COL7A1: variants seen among roughly 807,000 people sequenced by gnomAD.
The protein encoded by COL7A1 is collagen type VII alpha 1 chain.
A neutral mutation model predicts 456.2 loss-of-function variants in COL7A1; 296 were observed. The ratio of observed to expected loss-of-function variants is 0.65; its 90% CI spans 0.59 to 0.71. The LOEUF (loss-of-function observed/expected upper bound fraction) is 0.71. Ranked by LOEUF, COL7A1 falls within the 30% of genes least tolerant of loss-of-function variation. The pLI, the probability that COL7A1 is intolerant of heterozygous loss-of-function variation, is 0.00. For synonymous variants in COL7A1, 1,464 were observed against 1,525.9 expected, an observed-to-expected ratio of 0.96 and a Z score of 0.95; for missense variants, 3,441 against 4,017.2, an observed-to-expected ratio of 0.86 and a Z score of 3.88.
At chr3:48,589,166 C>T (rs1232827968) in intron 18 of COL7A1, among the ~76,000 whole-genome samples, 161 bp downstream of exon 18, 1 of 152,036 alleles carries the variant, frequency 6.6e-6, no homozygotes, top group Non-Finnish European at 1.5e-5. Flanking sequence ...GTGGGGCCAC[C>T]AGGAGGTCAC....
Position 48,567,406 on chromosome 3 carries a change from TC to T in COL7A1, c.8046+167del. 4 of 1,011,082 alleles carry T rather than the reference TC, an allele frequency of 4.0e-6. No individual in the cohort carries two copies. 62.6% of individuals were successfully genotyped at this position (1,011,082 alleles called of 1,614,324 possible). A position where few individuals can be genotyped will look rare whatever the true frequency, so the allele number is the denominator to read the frequency against. On this transcript the variant is annotated intron_variant, in intron 109 of 118. Transcript: ENST00000681320. This position sits in a 1 kb window ranked among gnomAD's most constrained non-coding sequence, Gnocchi z 4.3. ...CCACCTCCCATGCTTTCATCCTAACTCCACTGTGACCCCAACCCACCTTGAC... is the reference window on the plus strand; with the variant it reads ...CCACCTCCCATGCTTTCATCCTAACTCACTGTGACCCCAACCCACCTTGAC...
intron 18 of COL7A1, 34 bp downstream of exon 18, chr3:48,589,280 AGGGTAGCTAATGC>A: frequency 6.2e-7 from 1 of 1,610,706 alleles, no homozygotes; most frequent in Non-Finnish European, 8.5e-7. Flanking sequence ...ACAGCAGGGC[AGGGTAGCTAATGC>A]GGTGTGGCTA....
Position 48,595,309 on chromosome 3 carries a change from CGG to C in COL7A1, c.-45_-44del, listed in dbSNP as rs1157725507. ...TCCCGCCGCCGCCGCTGCAGTCTCTCGGGCAGAGCAGAGAAAAGTCCCTGATC... is the reference window on the plus strand; with the variant it reads ...TCCCGCCGCCGCCGCTGCAGTCTCTCGCAGAGCAGAGAAAAGTCCCTGATC... On this transcript the variant is annotated 5_prime_UTR_variant, in exon 1 of 119. Transcript: ENST00000681320. 93 of 686,810 alleles carry C rather than the reference CGG, an allele frequency of 1.4e-4. No individual in the cohort carries two copies. The African/African-American group carries it at 1.5e-3, about 11-fold the overall frequency. The allele number at this position is 686,810 out of a possible 1,614,324, so 42.5% of individuals were successfully genotyped here.
chr3:48,590,323 G>A lies in COL7A1; in HGVS notation c.1940C>T (p.Ser647Phe). 1 of 1,614,108 alleles carries A rather than the reference G, an allele frequency of 6.2e-7. No individual in the cohort carries two copies. The highest frequency in any genetic ancestry group is 8.5e-7 in the Non-Finnish European group (1 of 1,180,004). The change falls in exon 16 of 119, where the codon TCT becomes TTT. Residue 647 changes from serine (S) to phenylalanine (F), a missense_variant. Physicochemically the swap from Ser to Phe is radical, Grantham distance 155 (BLOSUM62 -2). Transcript: ENST00000681320. This position sits in a 1 kb window ranked among gnomAD's most constrained non-coding sequence, Gnocchi z 4.6. Reference sequence around the variant, plus strand: ...CAGCCCTGTGATGTCTGTGGCAGTAGAGTCTGGGGGCAGTGTCTGGCTGGA... The same window carrying A: ...CAGCCCTGTGATGTCTGTGGCAGTAAAGTCTGGGGGCAGTGTCTGGCTGGA... ...PESSQTLPPD[S>F]TATDITGLQP...
chr3:48,565,218 G>C lies in COL7A1; in HGVS notation c.8528-17C>G. The C allele has an allele frequency of 6.2e-7, 1 of 1,609,908 alleles. No individual in the cohort carries two copies. Among genetic ancestry groups the C allele is most frequent in the Non-Finnish European group, 8.5e-7 (1 of 1,177,230 alleles). ...GTACCCGCTCTGCAGGTAGGGCAGGGTGTGCTGGGAGCAGTGGCTGCTGGC... is the reference window on the plus strand; with the variant it reads ...GTACCCGCTCTGCAGGTAGGGCAGGCTGTGCTGGGAGCAGTGGCTGCTGGC... On this transcript the variant is annotated splice_polypyrimidine_tract_variant and intron_variant, in intron 116 of 118. Transcript: ENST00000681320. The surrounding 1 kb of genome is among the most constrained non-coding windows in gnomAD (Gnocchi z 4.5).
chr3:48,581,440 G>T lies in COL7A1; in HGVS notation c.4818+8C>A. The stretch of plus-strand genomic sequence containing the variant: ...GCCTTGAGGTTGCCCAGGGTAACGG[G>T]TACTCACTGGGGGTCCTGCTCTGCC... On this transcript the variant is annotated splice_region_variant and intron_variant, in intron 51 of 118. Coordinates refer to ENST00000681320, the MANE Select transcript of COL7A1 (RefSeq NM_000094.4). This position sits in a 1 kb window ranked among gnomAD's most constrained non-coding sequence, Gnocchi z 5.8. 6.2e-7 allele frequency: 1 copy of T among 1,614,018 alleles called. No homozygotes were observed. Among genetic ancestry groups the T allele is most frequent in the South Asian group, 1.1e-5 (1 of 91,084 alleles).
rs1261169840 is a variant in COL7A1 at position 48,581,765 on chromosome 3, G to A, written c.4669-6C>T. ...CCAGCGGGCCCCACATCTCCCTGGAGGTGACAAAGACCATCAGTGCTAGTC... is the reference window on the plus strand; with the variant it reads ...CCAGCGGGCCCCACATCTCCCTGGAAGTGACAAAGACCATCAGTGCTAGTC... On this transcript the variant is annotated splice_region_variant and splice_polypyrimidine_tract_variant and intron_variant, in intron 48 of 118. Coordinates refer to ENST00000681320, the MANE Select transcript of COL7A1 (RefSeq NM_000094.4). This position sits in a 1 kb window ranked among gnomAD's most constrained non-coding sequence, Gnocchi z 5.8. 1.2e-6 allele frequency: 2 copies of A among 1,613,916 alleles called. No homozygotes were observed.
rs372501657 is a variant in COL7A1 at position 48,592,474 on chromosome 3, G to A, written c.977-7C>T. 34 of 1,613,354 alleles carry A rather than the reference G, an allele frequency of 2.1e-5. No homozygotes were observed. The highest frequency in any genetic ancestry group is 2.6e-5 in the Non-Finnish European group (31 of 1,179,950). ...TCCGGCCCTTCTAGGGCAGCTGGGG[G>A]AGAGTCCCACCAGGGATTCATGGAG... is the stretch of plus-strand genomic sequence containing the variant. On this transcript the variant is annotated splice_polypyrimidine_tract_variant and splice_region_variant and intron_variant, in intron 8 of 118. Transcript: ENST00000681320. The surrounding 1 kb of genome is among the most constrained non-coding windows in gnomAD (Gnocchi z 7.6).
Position 48,564,780 on chromosome 3 carries a change from T to C in COL7A1, c.8818+3A>G, listed in dbSNP as rs1438064428. ...TTCCCCACGGTGGGGGCTCAGCCCA[T>C]ACCTGTCCCCTGGCTCTGGACCACC... On this transcript the variant is annotated splice_donor_region_variant and intron_variant, in intron 118 of 118. Coordinates refer to ENST00000681320, the MANE Select transcript of COL7A1 (RefSeq NM_000094.4). This position sits in a 1 kb window ranked among gnomAD's most constrained non-coding sequence, Gnocchi z 6.0. The C allele has an allele frequency of 1.2e-6, 2 of 1,613,364 alleles. No individual in the cohort carries two copies. Among genetic ancestry groups the C allele is most frequent in the African/African-American group, 1.3e-5 (1 of 75,028 alleles).
Position 48,584,026 on chromosome 3 carries a change from C to G in COL7A1, c.4224+9G>C. ...AAGCCACCCCTAGCACAACCTGTCCCTCACTTACCCGCTCCCCACGATCGC... is the reference window on the plus strand; with the variant it reads ...AAGCCACCCCTAGCACAACCTGTCCGTCACTTACCCGCTCCCCACGATCGC... On this transcript the variant is annotated intron_variant, in intron 38 of 118. Coordinates refer to ENST00000681320, the MANE Select transcript of COL7A1 (RefSeq NM_000094.4). 1.2e-6 allele frequency: 2 copies of G among 1,614,094 alleles called. No individual in the cohort carries two copies. The highest frequency in any genetic ancestry group is 8.5e-7 in the Non-Finnish European group (1 of 1,180,004).
rs753190309 is a variant in COL7A1 at position 48,576,259 on chromosome 3, C to T, written c.5810G>A (p.Gly1937Glu). 2 of 1,613,784 alleles carry T rather than the reference C, an allele frequency of 1.2e-6. No individual in the cohort carries two copies. Among genetic ancestry groups the T allele is most frequent in the Non-Finnish European group, 1.7e-6 (2 of 1,180,014 alleles). The change falls in exon 71 of 119, where the codon GGA (glycine) becomes GAA (glutamate). Residue 1937 changes from glycine (G) to glutamate (E), a missense_variant. Physicochemically the swap from Gly to Glu is moderately conservative, Grantham distance 98. Coordinates refer to ENST00000681320, the MANE Select transcript of COL7A1 (RefSeq NM_000094.4). ...PGERGLRGEPGSVPNVDRLLE... is the reference protein window; with the variant it reads ...PGERGLRGEPESVPNVDRLLE... ...CCAAGCCTGGCTCACCGGCACACTT[C>T]CAGGCTCTCCTCGCAGGCCACGCTC...
In COL7A1 at chr3:48,583,902, G is replaced by C; in HGVS notation, c.4276C>G (p.Pro1426Ala). The change falls in exon 39 of 119, where the codon CCG becomes GCG. Residue 1426 changes from proline (P) to alanine (A), a missense_variant and splice_region_variant. Physicochemically the swap from Pro to Ala is conservative, Grantham distance 27 (BLOSUM62 -1). This residue lies in a region of COL7A1 where 2,084 missense variants were observed against 2,501.3 expected (regional missense o/e 0.83). Transcript: ENST00000681320. This position sits in a 1 kb window ranked among gnomAD's most constrained non-coding sequence, Gnocchi z 5.1. ...GGIAPGEPGL[P>A]GLPGSPGPQG... ...AGCAGAGCCTCAAGGCCCCTCACCG[G>C]CAGCCCAGGCTCCCCAGGAGCAATG... The C allele has an allele frequency of 1.9e-6, 3 of 1,613,846 alleles. No homozygotes were observed. The South Asian group carries it at 3.3e-5, about 18-fold the overall frequency.
Position 48,586,604 on chromosome 3 carries a change from A to T in COL7A1, c.3362T>A (p.Ile1121Asn). 1 of 1,613,736 alleles carries T rather than the reference A, an allele frequency of 6.2e-7. No homozygotes were observed. Among genetic ancestry groups the T allele is most frequent in the Non-Finnish European group, 8.5e-7 (1 of 1,180,020 alleles). Residue 1121 changes from isoleucine to asparagine, a missense_variant, in exon 26 of 119, where the codon ATC (isoleucine) becomes AAC (asparagine). Around this residue, in one of 3 missense-constraint regions of COL7A1, gnomAD observed 444 missense variants for 427.6 expected, o/e 1.04. Transcript: ENST00000681320. This position sits in a 1 kb window ranked among gnomAD's most constrained non-coding sequence, Gnocchi z 5.1. ...SHDLGIILQR[I>N]RDMPYMDPSG... is the part of the protein sequence containing the mutation. ...TGGGTCCATGTAGGGCATGTCACGG[A>T]TCCTTTGCAAGATAATGCCAAGGTC...
At position 48,579,774 on chromosome 3, in the gene COL7A1, G is replaced by A. The variant is rs1168253624; in HGVS notation, c.5154+11C>T. On this transcript the variant is annotated intron_variant, in intron 58 of 118. Transcript: ENST00000681320. The surrounding 1 kb of genome is among the most constrained non-coding windows in gnomAD (Gnocchi z 4.4). ...GGGTCTTTCTTACCCTCCACCCACA[G>A]ACCCTAATACCTTCTCTCTGGCTCC... The A allele has an allele frequency of 6.2e-7, 1 of 1,613,956 alleles. No homozygotes were observed. Among genetic ancestry groups the A allele is most frequent in the Non-Finnish European group, 8.5e-7 (1 of 1,180,030 alleles).
Position 48,586,029 on chromosome 3 carries a change from C to T in COL7A1, c.3723+45G>A, listed in dbSNP as rs776770963. 1.9e-6 allele frequency: 3 copies of T among 1,613,612 alleles called. No homozygotes were observed. In the East Asian group the frequency reaches 6.7e-5, roughly 36 times the overall value. ...AACATTTCTACCAAGAACCCCCAGA[C>T]CCCTTATATTCTACCACCCAGTCCC... On this transcript the variant is annotated intron_variant, in intron 28 of 118. Coordinates refer to ENST00000681320, the MANE Select transcript of COL7A1 (RefSeq NM_000094.4). The surrounding 1 kb of genome is among the most constrained non-coding windows in gnomAD (Gnocchi z 5.1).
At position 48,593,611 on chromosome 3, in the gene COL7A1, G is replaced by A. The variant is rs1201459281; in HGVS notation, c.352C>T (p.Arg118Cys). The A allele has an allele frequency of 7.4e-6, 12 of 1,614,078 alleles. No homozygotes were observed. Among genetic ancestry groups the A allele is most frequent in the Middle Eastern group, 1.6e-4 (1 of 6,084 alleles). ...RELSYKGGNTRTGAAILHVAD... is the reference protein window; with the variant it reads ...RELSYKGGNTCTGAAILHVAD... ...ACATGGAGAATTGCAGCCCCTGTGC[G>A]AGTGTTGCCCCCCTTGTAGCTAAGC... Residue 118 changes from arginine to cysteine, a missense_variant, in exon 4 of 119, where the codon CGC becomes TGC. Physicochemically the swap from Arg to Cys is radical, Grantham distance 180 (BLOSUM62 -3). Around this residue, in one of 3 missense-constraint regions of COL7A1, gnomAD observed 913 missense variants for 1,088.2 expected, o/e 0.84. Coordinates refer to ENST00000681320, the MANE Select transcript of COL7A1 (RefSeq NM_000094.4). The surrounding 1 kb of genome is among the most constrained non-coding windows in gnomAD (Gnocchi z 4.4).
At position 48,566,040 on chromosome 3, in the gene COL7A1, GCCA is replaced by G. The variant is rs1436248165; in HGVS notation, c.8407+224_8407+226del. Among the ~76,000 whole-genome samples, 36 of 152,278 alleles carry G rather than the reference GCCA, an allele frequency of 2.4e-4. No homozygotes were observed. The highest frequency in any genetic ancestry group is 8.4e-4 in the African/African-American group (35 of 41,550). ...CCACCATCATCCCACTCCCCACACA[GCCA>G]AGCTGGACATCTGAGAGCACTGCAT... On this transcript the variant is annotated intron_variant, in intron 114 of 118. Coordinates refer to ENST00000681320, the MANE Select transcript of COL7A1 (RefSeq NM_000094.4). The surrounding 1 kb of genome is among the most constrained non-coding windows in gnomAD (Gnocchi z 5.9).
At chr3:48,584,804 G>A in intron 34 of COL7A1, 35 bp from the exon 35 acceptor site, 1 of 1,613,980 alleles carries the variant, frequency 6.2e-7, no homozygotes, top group Non-Finnish European at 8.5e-7. Flanking sequence ...TGGTGCTTGG[G>A]CTCAGGCGAA....
chr3:48,591,685 C>T lies in COL7A1; in HGVS notation c.1495G>A (p.Val499Met), dbSNP rs201877942. The T allele has an allele frequency of 3.2e-4, 522 of 1,614,106 alleles. No homozygotes were observed. The highest frequency in any genetic ancestry group is 4.2e-4 in the Non-Finnish European group (497 of 1,180,008). The change falls in exon 12 of 119, where the codon GTG (valine) becomes ATG (methionine). Residue 499 changes from valine to methionine, a missense_variant. Coordinates refer to ENST00000681320, the MANE Select transcript of COL7A1 (RefSeq NM_000094.4). This position sits in a 1 kb window ranked among gnomAD's most constrained non-coding sequence, Gnocchi z 7.0. ...ACAGAGCCCTCACCAGTGGGAACCA[C>T]GGTTGCAGGGGTGGCCACCTCGTGG... ...EGHEVATPAT[V>M]VPTGPELPVS... is the part of the protein sequence containing the mutation.
Sources: gnomAD v4.1 joint callset for allele counts (sites outside exome capture counted in the v4.1 genomes callset) on GRCh38, gnomAD v4.1.1 for gene constraint, gnomAD v4.1.1 regional missense constraint, Gnocchi (gnomAD v3.1) non-coding constraint, MANE v1.5 for transcripts, NCBI Gene and HGNC (gene_info 2026-07-23, HGNC 2026-07-21) for gene names.